NHLRC2: variants seen among roughly 807,000 people sequenced by gnomAD.
NHLRC2 encodes the protein NHL repeat-containing protein 2.
Under a neutral mutation model 68.1 loss-of-function variants are expected in NHLRC2, and 33 were observed. That is an observed-to-expected ratio of 0.48 (90% CI 0.37 to 0.65). NHLRC2 has a LOEUF of 0.65. Ranked by LOEUF, NHLRC2 falls within the 30% of genes least tolerant of loss-of-function variation. The probability of loss-of-function intolerance (pLI) is 0.00; values close to 1 mark genes in which losing one functional copy is unlikely to be tolerated. For synonymous variants in NHLRC2, 311 were observed against 309.6 expected, an observed-to-expected ratio of 1.00 and a Z score of -0.05; for missense variants, 761 against 853.8, an observed-to-expected ratio of 0.89 and a Z score of 1.35.
chr10:113,891,069 T>G (rs1190225744), intron 5 of NHLRC2, among the ~76,000 whole-genome samples: 1 of 152,218 alleles, frequency 6.6e-6, no homozygotes, highest in African/African-American at 2.4e-5. Context: ...GGTCCCTCCC[T>G]CGACTTGTGG....
rs553066240 is a variant in NHLRC2, at chr10:113,909,416, G to T, written c.*880G>T. 6.6e-6 allele frequency: 1 copy of T among 152,104 alleles called. No individual in the cohort carries two copies. 9.4% of individuals were successfully genotyped at this position (152,104 alleles called of 1,614,324 possible). A position where few individuals can be genotyped will look rare whatever the true frequency, so the allele number is the denominator to read the frequency against. ...TGTTTTGGAAATGTACATTTCACTT[G>T]TAAGCATTAAATGCAGATTTGTTGA... is the stretch of plus-strand genomic sequence containing the variant. On this transcript the variant is annotated 3_prime_UTR_variant, in exon 11 of 11. Transcript: ENST00000369301.
Position 113,908,687 on chromosome 10 carries a change from G to C in NHLRC2, c.*151G>C, listed in dbSNP as rs1846296970. 1 of 677,924 alleles carries C rather than the reference G, an allele frequency of 1.5e-6. No individual in the cohort carries two copies. The allele number at this position is 677,924 out of a possible 1,614,324, so 42.0% of individuals were successfully genotyped here. On this transcript the variant is annotated 3_prime_UTR_variant, in exon 11 of 11. Coordinates refer to ENST00000369301, the MANE Select transcript of NHLRC2 (RefSeq NM_198514.4). ...ACAACTGATATTAAAATAAAGCTAT[G>C]CTCCTTACTTACTTCTTTTATTATA... is the stretch of plus-strand genomic sequence containing the variant.
At position 113,876,643 on chromosome 10, in the gene NHLRC2, A is replaced by G; in HGVS notation, c.454A>G (p.Ser152Gly). ...CCCTATGGTTAATGATGCAGATGCC[A>G]GCCTTTGGCAAGAACTAGAAGTTTC... ...THPMVNDADA[S>G]LWQELEVSCW... is the part of the protein sequence containing the mutation. The change falls in exon 3 of 11, where the codon AGC becomes GGC. Residue 152 changes from serine to glycine, a missense_variant. Physicochemically the swap from Ser to Gly is moderately conservative, Grantham distance 56 (BLOSUM62 0). Coordinates refer to ENST00000369301, the MANE Select transcript of NHLRC2 (RefSeq NM_198514.4). 6.2e-7 allele frequency: 1 copy of G among 1,613,972 alleles called. No individual in the cohort carries two copies. Among genetic ancestry groups the G allele is most frequent in the Middle Eastern group, 1.7e-4 (1 of 6,060 alleles).
In NHLRC2 at chr10:113,912,702, A is replaced by T. The variant is rs1564861288; in HGVS notation, c.*4166A>T. On this transcript the variant is annotated 3_prime_UTR_variant, in exon 11 of 11. Transcript: ENST00000369301. The stretch of plus-strand genomic sequence containing the variant: ...TCATTTGAGCTTCAAATAACCTTAT[A>T]AATCGGGCAGGTAGATGTTAGTTTA... 6.6e-6 allele frequency: 1 copy of T among 152,186 alleles called. No individual in the cohort carries two copies. Among genetic ancestry groups the T allele is most frequent in the Non-Finnish European group, 1.5e-5 (1 of 68,016 alleles). 9.4% of individuals were successfully genotyped at this position (152,186 alleles called of 1,614,324 possible). A position where few individuals can be genotyped will look rare whatever the true frequency, so the allele number is the denominator to read the frequency against.
Position 113,879,671 on chromosome 10 carries a change from C to A in NHLRC2, c.885C>A (p.Asp295Glu). 6.6e-7 allele frequency: 1 copy of A among 1,513,032 alleles called. No individual in the cohort carries two copies. The highest frequency in any genetic ancestry group is 9.0e-7 in the Non-Finnish European group (1 of 1,108,180). The allele number at this position is 1,513,032 out of a possible 1,614,324, so 93.7% of individuals were successfully genotyped here. The change falls in exon 4 of 11, where the codon GAC (aspartate) becomes GAA (glutamate). Residue 295 changes from aspartate (D) to glutamate (E), a missense_variant. By Grantham distance (45) the Asp-to-Glu change is conservative. Coordinates refer to ENST00000369301, the MANE Select transcript of NHLRC2 (RefSeq NM_198514.4). ...AIMNNIIYVADTENHLIRKID... is the reference protein window; with the variant it reads ...AIMNNIIYVAETENHLIRKID... ...TGAATAATATCATATATGTGGCAGACACTGAAAACCACCTTATAAGAAAGG... is the reference window on the plus strand; with the variant it reads ...TGAATAATATCATATATGTGGCAGAAACTGAAAACCACCTTATAAGAAAGG...
rs1035239566 is a variant in NHLRC2 at position 113,915,363 on chromosome 10, A to G, written c.*6827A>G. The G allele has an allele frequency of 2.6e-6, 1 of 391,610 alleles. No homozygotes were observed. The highest frequency in any genetic ancestry group is 1.9e-5 in the South Asian group (1 of 52,330). 24.3% of individuals were successfully genotyped at this position (391,610 alleles called of 1,614,324 possible). A position where few individuals can be genotyped will look rare whatever the true frequency, so the allele number is the denominator to read the frequency against. On this transcript the variant is annotated 3_prime_UTR_variant, in exon 11 of 11. Transcript: ENST00000369301. ...ATTCTTGTAACTGTCAGGGCATGGT[A>G]TGAATTCCTTCCTCTTTAAGCAGCA...
intron 5 of NHLRC2, among the ~76,000 whole-genome samples, chr10:113,895,393 A>G (rs1402436270): frequency 6.6e-6 from 1 of 152,208 alleles, no homozygotes; most frequent in Admixed American, 6.5e-5. Flanking sequence ...GCAGTAAATT[A>G]ATAAATATGT....
At position 113,917,067 on chromosome 10, in the gene NHLRC2, G is replaced by T. The variant is rs976537989; in HGVS notation, c.*8531G>T. The T allele has an allele frequency of 3.9e-5, 6 of 152,206 alleles. No homozygotes were observed. Among genetic ancestry groups the T allele is most frequent in the African/African-American group, 1.4e-4 (6 of 41,464 alleles). 9.4% of individuals were successfully genotyped at this position (152,206 alleles called of 1,614,324 possible). On this transcript the variant is annotated 3_prime_UTR_variant, in exon 11 of 11. Transcript: ENST00000369301. ...GTGCAGTGGCTTCTTTACTAGCAAA[G>T]AGAAGTGTAATACAAGTGATCATAG... is the stretch of plus-strand genomic sequence containing the variant.
chr10:113,865,281 TC>T (rs762900102), intron 2 of NHLRC2, among the ~76,000 whole-genome samples: 2,407 of 109,088 alleles, frequency 0.022, 25 homozygotes, highest in African/African-American at 0.027. Flanking sequence ...TCGCTTTTCA[TC>T]CCCCCCCCCC....
At chr10:113,889,889 A>G (rs564796949) in intron 5 of NHLRC2, among the ~76,000 whole-genome samples, 1 of 152,324 alleles carries the variant, frequency 6.6e-6, no homozygotes, top group East Asian at 1.9e-4. Flanking sequence ...ATCACTGAGT[A>G]GTAGTTCGTT....
intron 4 of NHLRC2, among the ~76,000 whole-genome samples, chr10:113,883,969 T>C (rs543696713): frequency 6.6e-6 from 1 of 151,958 alleles, no homozygotes; most frequent in African/African-American, 2.4e-5. Flanking sequence ...AAAATTTTTG[T>C]TTAGTTAAGA....
intron 2 of NHLRC2, among the ~76,000 whole-genome samples, chr10:113,859,421 A>ATCCTGTGTTAG (rs1418228879): frequency 6.6e-6 from 1 of 152,180 alleles, no homozygotes; most frequent in Non-Finnish European, 1.5e-5. Context: ...AGGGTCACCG[A>ATCCTGTGTTAG]TCCTGTGTTA....
chr10:113,855,137 C>T (rs549706338), intron 1 of NHLRC2, 87 bp downstream of exon 1: 96 of 1,217,226 alleles, frequency 7.9e-5, no homozygotes, highest in Non-Finnish European at 1.1e-4. Flanking sequence ...GTGGGCTAGG[C>T]GGGTTTGTGC....
chr10:113,901,888 A>G lies in NHLRC2; in HGVS notation c.1362A>G (p.Arg454=). Residue 454 remains arginine, a synonymous_variant, in exon 7 of 11, where the codon AGA becomes AGG. Transcript: ENST00000369301. ...GAVKHLVGGE[R]DPMNLFAFGD... ...TGAAGCACCTCGTAGGAGGAGAAAGAGACCCCATGGTAATGACAGTCACTC... is the reference window on the plus strand; with the variant it reads ...TGAAGCACCTCGTAGGAGGAGAAAGGGACCCCATGGTAATGACAGTCACTC... 6.2e-7 allele frequency: 1 copy of G among 1,609,546 alleles called. No individual in the cohort carries two copies. Among genetic ancestry groups the G allele is most frequent in the Non-Finnish European group, 8.5e-7 (1 of 1,175,870 alleles).
At chr10:113,887,703 C>T (rs1249047380) in intron 5 of NHLRC2, among the ~76,000 whole-genome samples, 5 of 152,022 alleles carry the variant, frequency 3.3e-5, no homozygotes, top group Non-Finnish European at 5.9e-5. Flanking sequence ...ACCCGGGAGG[C>T]GGAGGTTGCA....
At chr10:113,888,920 G>A (rs1254313869) in intron 5 of NHLRC2, among the ~76,000 whole-genome samples, 3 of 150,776 alleles carry the variant, frequency 2.0e-5, no homozygotes, top group South Asian at 2.1e-4. Context: ...TCTGCCTGTC[G>A]GGTTCAAGCA....
At chr10:113,866,561 A>G (rs1845869271) in intron 2 of NHLRC2, among the ~76,000 whole-genome samples, 1 of 152,100 alleles carries the variant, frequency 6.6e-6, no homozygotes, top group South Asian at 2.1e-4. Flanking sequence ...AAAAATCTGA[A>G]TTTCTTATTA....
rs750784969 is a variant in NHLRC2 at position 113,876,602 on chromosome 10, G to T, written c.413G>T (p.Arg138Leu). 5 of 1,613,468 alleles carry T rather than the reference G, an allele frequency of 3.1e-6. No homozygotes were observed. The South Asian group carries it at 5.5e-5, about 18-fold the overall frequency. Residue 138 changes from arginine (R) to leucine (L), a missense_variant, in exon 3 of 11, where the codon CGA becomes CTA. Arg to Leu is a moderately radical substitution (Grantham distance 102). Transcript: ENST00000369301. ...GATAACATTAAGAGTGCTGTTCTTCGATACAACATCACCCACCCTATGGTT... is the reference window on the plus strand; with the variant it reads ...GATAACATTAAGAGTGCTGTTCTTCTATACAACATCACCCACCCTATGGTT... ...VLDNIKSAVLRYNITHPMVND... is the reference protein window; with the variant it reads ...VLDNIKSAVLLYNITHPMVND...
At position 113,884,349 on chromosome 10, in the gene NHLRC2, T is replaced by A; in HGVS notation, c.1008T>A (p.Ser336Arg). The part of the protein sequence containing the change: ...GGAKGEQQPI[S>R]SPWDVVFGTS... ...CAAAAGGAGAACAACAACCCATTAGTTCCCCTTGGGATGTAGTTTTTGGAA... is the reference window on the plus strand; with the variant it reads ...CAAAAGGAGAACAACAACCCATTAGATCCCCTTGGGATGTAGTTTTTGGAA... The change falls in exon 5 of 11, where the codon AGT (serine) becomes AGA (arginine). Residue 336 changes from serine to arginine, a missense_variant. Ser to Arg is a moderately radical substitution (Grantham distance 110, BLOSUM62 -1). Transcript: ENST00000369301. 2 of 1,610,530 alleles carry A rather than the reference T, an allele frequency of 1.2e-6. No homozygotes were observed.
Sources: gnomAD v4.1 joint callset for allele counts (sites outside exome capture counted in the v4.1 genomes callset) on GRCh38, gnomAD v4.1.1 for gene constraint, MANE v1.5 for transcripts, NCBI Gene and HGNC (gene_info 2026-07-23, HGNC 2026-07-21) for gene names.